Variants in ARHGAP15 observed in about 807,000 individuals in gnomAD.
ARHGAP15 encodes Rho GTPase activating protein 15, also known as rho GTPase-activating protein 15.
In ARHGAP15, 51 loss-of-function variants were observed where a neutral mutation model predicts 63.7. That is an observed-to-expected ratio of 0.80 (90% CI 0.64 to 1.01). The LOEUF is 1.01. Ranked by LOEUF, ARHGAP15 falls within the 50% of genes least tolerant of loss-of-function variation. The probability of loss-of-function intolerance (pLI) is 0.00; values close to 1 mark genes in which losing one functional copy is unlikely to be tolerated. For synonymous variants in ARHGAP15, 191 were observed against 193.8 expected (o/e 0.99, Z 0.12); for missense variants, 560 against 564.6 (o/e 0.99, Z 0.08).
chr2:143,682,171 A>G (rs1056030815), intron 12 of ARHGAP15, among the ~76,000 whole-genome samples: 1 of 152,194 alleles, frequency 6.6e-6, no homozygotes, highest in Non-Finnish European at 1.5e-5. Flanking sequence ...TAAATAATTG[A>G]TAATTTTTTT....
chr2:143,431,292 C>G (rs543255768), intron 6 of ARHGAP15, among the ~76,000 whole-genome samples: 5 of 152,012 alleles, frequency 3.3e-5, no homozygotes, highest in African/African-American at 1.2e-4. Flanking sequence ...TCTTTGTAAT[C>G]TCTTAATTCT....
chr2:143,176,109 A>G (rs1366026375), intron 2 of ARHGAP15, among the ~76,000 whole-genome samples: 1 of 152,190 alleles, frequency 6.6e-6, no homozygotes, highest in Non-Finnish European at 1.5e-5. Flanking sequence ...CCTTCAGATC[A>G]ACAATTGGTC....
At chr2:143,244,922 T>A (rs1574144540) in intron 5 of ARHGAP15, among the ~76,000 whole-genome samples, 1 of 152,078 alleles carries the variant, frequency 6.6e-6, no homozygotes, top group East Asian at 1.9e-4. Context: ...TTATGGATGG[T>A]GAAAGAAAGG....
At chr2:143,425,743 A>T (rs1238600604) in intron 6 of ARHGAP15, among the ~76,000 whole-genome samples, 2 of 71,200 alleles carry the variant, frequency 2.8e-5, no homozygotes, top group African/African-American at 9.0e-5. Context: ...TGAACATCTT[A>T]ATTACATAGA....
At chr2:143,720,348 G>A (rs1171807950) in intron 13 of ARHGAP15, among the ~76,000 whole-genome samples, 5 of 152,098 alleles carry the variant, frequency 3.3e-5, no homozygotes, top group Admixed American at 1.3e-4. Flanking sequence ...CCAGGACGCC[G>A]AGGTTAACAA....
At chr2:143,424,802 A>G (rs1332752230) in intron 6 of ARHGAP15, among the ~76,000 whole-genome samples, 1 of 152,052 alleles carries the variant, frequency 6.6e-6, no homozygotes, top group Non-Finnish European at 1.5e-5. Context: ...CTTTTCTCAC[A>G]CTAGATTAGA....
intron 11 of ARHGAP15, among the ~76,000 whole-genome samples, chr2:143,606,402 C>T (rs932549594): frequency 1.3e-5 from 2 of 152,174 alleles, no homozygotes; most frequent in Non-Finnish European, 2.9e-5. Context: ...GCTTTGTTAT[C>T]TGTAATGCAC....
chr2:143,347,026 C>G (rs1438218563), intron 6 of ARHGAP15, among the ~76,000 whole-genome samples: 1 of 151,970 alleles, frequency 6.6e-6, no homozygotes, highest in African/African-American at 2.4e-5. Flanking sequence ...ATCGAGAGGT[C>G]TTTTTGGTCT....
chr2:143,303,002 AT>A (rs1210037207), intron 6 of ARHGAP15, among the ~76,000 whole-genome samples: 1 of 152,230 alleles, frequency 6.6e-6, no homozygotes. Flanking sequence ...TTTAAAGCAG[AT>A]TGGGCTGAAA....
At chr2:143,413,966 T>TGTGTGTGTGTGCGCACGCGCGC in intron 6 of ARHGAP15, among the ~76,000 whole-genome samples, 1 of 117,910 alleles carries the variant, frequency 8.5e-6, no homozygotes, top group Admixed American at 9.2e-5. Flanking sequence ...TGTGTGTGTG[T>TGTGTGTGTGTGCGCACGCGCGC]GCGCGCTCTC....
chr2:143,320,988 C>T (rs1037205385), intron 6 of ARHGAP15, among the ~76,000 whole-genome samples: 12 of 152,094 alleles, frequency 7.9e-5, no homozygotes, highest in Admixed American at 6.5e-4. Context: ...GGCTTTTGCC[C>T]GGGGCCTAAC....
At chr2:143,398,520 C>T (rs989873673) in intron 6 of ARHGAP15, among the ~76,000 whole-genome samples, 13 of 152,056 alleles carry the variant, frequency 8.5e-5, no homozygotes, top group Non-Finnish European at 7.4e-5. Context: ...TGAATGTAAA[C>T]GACCAACTCT....
At chr2:143,410,590 G>C (rs1688399950) in intron 6 of ARHGAP15, among the ~76,000 whole-genome samples, 1 of 152,154 alleles carries the variant, frequency 6.6e-6, no homozygotes, top group Non-Finnish European at 1.5e-5. Flanking sequence ...GATATGTACT[G>C]AGAAATAGCA....
In ARHGAP15 at chr2:143,437,023, A is replaced by G; in HGVS notation, c.684A>G (p.Pro228=). 1 of 1,602,262 alleles carries G rather than the reference A, an allele frequency of 6.2e-7. No homozygotes were observed. The highest frequency in any genetic ancestry group is 8.5e-7 in the Non-Finnish European group (1 of 1,176,990). ...ACAGTGATATAAAAGAACAGAAACC[A>G]GAGCACAGAAAATCTTTAAGTGAGT... The part of the protein sequence containing the change: ...HYDSDIKEQK[P]EHRKSLMFRL... The change falls in exon 8 of 14, where the codon CCA becomes CCG. Residue 228 remains proline, a synonymous_variant. Coordinates refer to ENST00000295095, the MANE Select transcript of ARHGAP15 (RefSeq NM_018460.4).
chr2:143,392,276 G>A (rs1687567429), intron 6 of ARHGAP15, among the ~76,000 whole-genome samples: 1 of 152,126 alleles, frequency 6.6e-6, no homozygotes, highest in Non-Finnish European at 1.5e-5. Flanking sequence ...AATGTTAAAT[G>A]TAAATAAGTA....
chr2:143,483,274 C>T (rs1268647490), intron 8 of ARHGAP15, among the ~76,000 whole-genome samples: 1 of 151,894 alleles, frequency 6.6e-6, no homozygotes, highest in Admixed American at 6.6e-5. Context: ...AAAGATATAA[C>T]TCATACCGTA....
At chr2:143,366,337 T>C (rs905152974) in intron 6 of ARHGAP15, among the ~76,000 whole-genome samples, 8 of 152,274 alleles carry the variant, frequency 5.3e-5, no homozygotes, top group South Asian at 2.1e-4. Flanking sequence ...TCTAGTAATT[T>C]ACCTAATAAG....
chr2:143,439,185 G>T (rs1222926484), intron 8 of ARHGAP15, among the ~76,000 whole-genome samples: 1 of 151,798 alleles, frequency 6.6e-6, no homozygotes, highest in East Asian at 1.9e-4. Flanking sequence ...CACTTTGGGA[G>T]GCCAAGGCGG....
intron 1 of ARHGAP15, among the ~76,000 whole-genome samples, chr2:143,134,731 T>A (rs988916426): frequency 6.7e-6 from 1 of 149,562 alleles, no homozygotes; most frequent in African/African-American, 2.5e-5. Flanking sequence ...GCCTCCCGGG[T>A]TCATGCCAGT....
Sources: allele counts gnomAD v4.1 joint callset (sites outside exome capture counted in the v4.1 genomes callset), GRCh38; gene constraint gnomAD v4.1.1; transcripts MANE v1.5; gene names NCBI Gene and HGNC (gene_info 2026-07-23, HGNC 2026-07-21).